Variants in GDAP1 observed in about 807,000 individuals in gnomAD.
The protein encoded by GDAP1 is ganglioside induced differentiation associated protein 1.
A neutral mutation model predicts 40.1 loss-of-function variants in GDAP1; 34 were observed. The ratio of observed to expected loss-of-function variants is 0.85; its 90% CI spans 0.64 to 1.13. The LOEUF is 1.13. Among genes scored for constraint, GDAP1 ranks in the 50% most tolerant of loss-of-function variants. GDAP1 has a pLI of 0.00. For synonymous variants in GDAP1, 170 were observed against 157.4 expected (o/e 1.08, Z -0.60); for missense variants, 374 against 433.7 (o/e 0.86, Z 1.22).
At chr8:74,439,449 CTG>C (rs1806133772) in intron 2 of GDAP1, among the ~76,000 whole-genome samples, 1 of 151,896 alleles carries the variant, frequency 6.6e-6, no homozygotes, top group Non-Finnish European at 1.5e-5. Flanking sequence ...GCTCTCTACT[CTG>C]TTCCATTAGT....
intron 2 of GDAP1, among the ~76,000 whole-genome samples, chr8:74,397,717 C>T (rs1264897459): frequency 6.6e-6 from 1 of 151,958 alleles, no homozygotes; most frequent in Non-Finnish European, 1.5e-5. Context: ...TGATCTATAT[C>T]TCTGTTTTGG....
chr8:74,366,345 A>G lies in GDAP1; in HGVS notation c.*1978A>G, dbSNP rs1348849035. 1 of 454,526 alleles carries G rather than the reference A, an allele frequency of 2.2e-6. No individual in the cohort carries two copies. The highest frequency in any genetic ancestry group is 7.0e-5 in the East Asian group (1 of 14,388). The allele number at this position is 454,526 out of a possible 1,614,324, so 28.2% of individuals were successfully genotyped here. ...GTTCTTTTTGTTCAGCAACTCTTCTAAAATGTTTCAAGCAAAGATAGTAAT... is the reference window on the plus strand; with the variant it reads ...GTTCTTTTTGTTCAGCAACTCTTCTGAAATGTTTCAAGCAAAGATAGTAAT... On this transcript the variant is annotated 3_prime_UTR_variant, in exon 6 of 6. Coordinates refer to ENST00000220822, the MANE Select transcript of GDAP1 (RefSeq NM_018972.4).
At position 74,443,367 on chromosome 8, in the gene GDAP1, C is replaced by T. The variant is rs114337794; in HGVS notation, c.166-45311C>T. On this transcript the variant is annotated intron_variant, in intron 2 of 2. Transcript: ENST00000523640. ...AACTGTCATTTCTTGAAATTAGTTC[C>T]TTTCCAGTTTCTTTAAAAGATGATG... Among the ~76,000 whole-genome samples, 1,257 of 152,222 alleles carry T rather than the reference C, an allele frequency of 8.3e-3. 24 individuals carry two copies. Among genetic ancestry groups the T allele is most frequent in the African/African-American group, 0.029 (1,194 of 41,524 alleles).
At chr8:74,483,970 G>T (rs1045227417) in intron 2 of GDAP1, among the ~76,000 whole-genome samples, 2 of 152,150 alleles carry the variant, frequency 1.3e-5, no homozygotes, top group African/African-American at 4.8e-5. Context: ...ATATAGTGAG[G>T]AGTACATGAC....
intron 2 of GDAP1, among the ~76,000 whole-genome samples, chr8:74,450,915 A>T (rs56808663): frequency 1 from 79,188 of 79,320 alleles, 39,587 homozygotes; most frequent in Non-Finnish European, 1. Context: ...TTTAATTATA[A>T]CTATTTAAAA....
At chr8:74,484,703 A>C (rs781283677) in intron 2 of GDAP1, among the ~76,000 whole-genome samples, 16 of 152,094 alleles carry the variant, frequency 1.1e-4, no homozygotes, top group Non-Finnish European at 1.5e-4. Flanking sequence ...AAAAGACAAC[A>C]CACAGAGGAA....
intron 2 of GDAP1, among the ~76,000 whole-genome samples, chr8:74,471,290 G>T (rs61104761): frequency 0.018 from 2,751 of 152,034 alleles, 72 homozygotes; most frequent in African/African-American, 0.063. Context: ...TGTTGCCATT[G>T]CTTTTGGTGT....
At chr8:74,411,166 C>T (rs1805703994) in intron 2 of GDAP1, among the ~76,000 whole-genome samples, 2 of 150,024 alleles carry the variant, frequency 1.3e-5, no homozygotes, top group South Asian at 2.1e-4. Context: ...TGAGGCCTCC[C>T]CAGCCATGCC....
intron 2 of GDAP1, among the ~76,000 whole-genome samples, chr8:74,431,363 A>G (rs1429636069): frequency 6.6e-6 from 1 of 152,238 alleles, no homozygotes; most frequent in Non-Finnish European, 1.5e-5. Context: ...CTTTAAAATA[A>G]CACGGAGGAG....
rs555491399 is a variant in GDAP1 at position 74,448,204 on chromosome 8, T to C, written c.166-40474T>C. 2.6e-5 allele frequency among the ~76,000 whole-genome samples: 4 copies of C among 152,322 alleles called. No homozygotes were observed. In the South Asian group the frequency reaches 8.3e-4, roughly 32 times the overall value. ...AAGTACTATTCTGATTTCTGTCATA[T>C]GGATTTGTTTTTCATGTTTATGAAT... is the stretch of plus-strand genomic sequence containing the variant. On this transcript the variant is annotated intron_variant, in intron 2 of 2. Coordinates refer to the GDAP1 transcript ENST00000523640.
chr8:74,385,688 T>A (rs1810015553), intron 2 of GDAP1, among the ~76,000 whole-genome samples: 1 of 152,212 alleles, frequency 6.6e-6, no homozygotes, highest in Non-Finnish European at 1.5e-5. Flanking sequence ...TATATAATCC[T>A]TTGGGTATAT....
At chr8:74,467,831 C>T (rs1295540131) in intron 2 of GDAP1, among the ~76,000 whole-genome samples, 5 of 152,154 alleles carry the variant, frequency 3.3e-5, no homozygotes, top group Non-Finnish European at 7.4e-5. Flanking sequence ...CTGAGTTGTT[C>T]TTAGGCCCTA....
intron 2 of GDAP1, among the ~76,000 whole-genome samples, chr8:74,423,506 T>G (rs1007862629): frequency 1.3e-5 from 2 of 151,104 alleles, no homozygotes; most frequent in Non-Finnish European, 3.0e-5. Flanking sequence ...ATAGATGAAC[T>G]GATGATGTTG....
intron 2 of GDAP1, among the ~76,000 whole-genome samples, chr8:74,479,961 CTGAG>C (rs145075158): frequency 0.011 from 1,685 of 151,336 alleles, 23 homozygotes; most frequent in African/African-American, 0.039. Context: ...ATGGTGATCC[CTGAG>C]TGAGTGAAGA....
intron 2 of GDAP1, among the ~76,000 whole-genome samples, chr8:74,376,524 A>G (rs988024383): frequency 6.6e-6 from 1 of 151,754 alleles, no homozygotes; most frequent in Non-Finnish European, 1.5e-5. Flanking sequence ...AATTTTTTGT[A>G]TTTTTTAGTA....
At chr8:74,434,749 A>C (rs1458850795) in intron 2 of GDAP1, among the ~76,000 whole-genome samples, 1 of 152,226 alleles carries the variant, frequency 6.6e-6, no homozygotes, top group African/African-American at 2.4e-5. Context: ...AATTACCATC[A>C]TCTCATGATA....
chr8:74,360,973 G>GT (rs1181766080), intron 3 of GDAP1, among the ~76,000 whole-genome samples: 3 of 152,136 alleles, frequency 2.0e-5, no homozygotes, highest in Non-Finnish European at 4.4e-5. Context: ...CAGAAACCAT[G>GT]TGTTCCCCAT....
intron 2 of GDAP1, among the ~76,000 whole-genome samples, chr8:74,400,474 A>G (rs1052051922): frequency 2.5e-4 from 37 of 149,604 alleles, no homozygotes; most frequent in Non-Finnish European, 4.6e-4. Context: ...TTTCCTGAAT[A>G]CAGCACACTG....
At chr8:74,483,687 G>A (rs1223322967) in intron 2 of GDAP1, among the ~76,000 whole-genome samples, 2 of 152,164 alleles carry the variant, frequency 1.3e-5, no homozygotes, top group Non-Finnish European at 2.9e-5. Flanking sequence ...GATCTTTCCA[G>A]AACTCTTGAA....
Sources: gnomAD v4.1 joint callset for allele counts (sites outside exome capture counted in the v4.1 genomes callset) on GRCh38, gnomAD v4.1.1 for gene constraint, MANE v1.5 for transcripts, NCBI Gene and HGNC (gene_info 2026-07-23, HGNC 2026-07-21) for gene names.